PAGE2B: variants seen among roughly 807,000 people sequenced by gnomAD.
The protein encoded by PAGE2B is putative G antigen family E member 3.
Under a neutral mutation model 7.6 loss-of-function variants are expected in PAGE2B, and 5 were observed. That is an observed-to-expected ratio of 0.66 (90% CI 0.34 to 1.38). The LOEUF (loss-of-function observed/expected upper bound fraction) is 1.38. Among genes scored for constraint, PAGE2B ranks in the 40% most tolerant of loss-of-function variants. PAGE2B has a pLI of 0.04. For missense variants in PAGE2B, 70 were observed against 78.4 expected (o/e 0.89, Z 0.41); for synonymous variants, 29 against 26.7 (o/e 1.09, Z -0.27).
At chrX:55,033,277 C>G in the PAGE2B span, among the ~76,000 whole-genome samples, 3 of 111,625 alleles carry the variant, frequency 2.7e-5, no homozygotes, top group Non-Finnish European at 5.7e-5. Context: ...GAGAAAAACT[C>G]GAAGTGCCCT....
the PAGE2B span, among the ~76,000 whole-genome samples, chrX:55,065,061 TC>T: frequency 8.9e-6 from 1 of 112,007 alleles, no homozygotes. Flanking sequence ...ATCTGTTAGG[TC>T]CACTTGGTCC....
At chrX:55,039,231 C>G in the PAGE2B span, among the ~76,000 whole-genome samples, 72 of 111,282 alleles carry the variant, frequency 6.5e-4, no homozygotes, top group Non-Finnish European at 9.8e-4. Flanking sequence ...ATTTTCCCCC[C>G]CTGGCTTCTT....
chrX:55,045,389 C>T, the PAGE2B span, among the ~76,000 whole-genome samples: 1 of 111,684 alleles, frequency 9.0e-6, no homozygotes, highest in African/African-American at 3.3e-5. Flanking sequence ...AGCACTCTGA[C>T]TTGCCTTAAT....
chrX:55,031,661 C>T, the PAGE2B span, among the ~76,000 whole-genome samples: 10 of 111,699 alleles, frequency 9.0e-5, no homozygotes, highest in African/African-American at 3.3e-4. Context: ...AGTACAGAGC[C>T]CGCCTATGAA....
Position 55,077,424 on chromosome X carries a change from G to A in PAGE2B, c.219G>A (p.Gln73=). Residue 73 remains glutamine, a synonymous_variant, in exon 4 of 5, where the codon CAG becomes CAA. Transcript: ENST00000374971. ...VQGPDMEAFQ[Q]ELALLKIEDE... ...GGCCTGACATGGAAGCTTTTCAACA[G>A]GAACTGGCTCTGCTTAAGATAGAGG... is the stretch of plus-strand genomic sequence containing the variant. 1 of 1,211,331 alleles carries A rather than the reference G, an allele frequency of 8.3e-7. No homozygotes were observed. The highest frequency in any genetic ancestry group is 1.1e-6 in the Non-Finnish European group (1 of 895,370).
chrX:55,051,660 C>T, the PAGE2B span, among the ~76,000 whole-genome samples: 1 of 112,203 alleles, frequency 8.9e-6, no homozygotes, highest in Admixed American at 9.4e-5. Context: ...TCAGCTCCAT[C>T]AGGTCTTTTA....
At chrX:55,051,270 T>A in the PAGE2B span, among the ~76,000 whole-genome samples, 1 of 111,280 alleles carries the variant, frequency 9.0e-6, no homozygotes, top group African/African-American at 3.3e-5. Context: ...CTTTGGTGAA[T>A]CTGACAATTA....
At chrX:55,076,382 GTATGTATA>G (rs1334561227) in intron 2 of PAGE2B, among the ~76,000 whole-genome samples, 179 bp from the exon 3 acceptor site, 1 of 101,364 alleles carries the variant, frequency 9.9e-6, no homozygotes, top group African/African-American at 4.2e-5. Context: ...ATGTATGTAT[GTATGTATA>G]TATGTATGTG....
At chrX:55,058,589 G>T in the PAGE2B span, among the ~76,000 whole-genome samples, 1 of 111,352 alleles carries the variant, frequency 9.0e-6, no homozygotes, top group East Asian at 2.8e-4. Context: ...ACTTTTAGTT[G>T]CCATAGCCCT....
the PAGE2B span, among the ~76,000 whole-genome samples, chrX:55,039,024 G>A: frequency 2.7e-5 from 3 of 111,797 alleles, no homozygotes; most frequent in Non-Finnish European, 5.6e-5. Flanking sequence ...ATTGCTCTTT[G>A]AGACAGTACA....
chrX:55,074,589 A>G (rs1224254083), upstream of PAGE2B, among the ~76,000 whole-genome samples: 1 of 112,436 alleles, frequency 8.9e-6, no homozygotes, highest in African/African-American at 3.2e-5. Flanking sequence ...TGAACGTACA[A>G]TAATGCAACC....
chrX:55,067,420 A>G, the PAGE2B span, among the ~76,000 whole-genome samples: 1 of 111,924 alleles, frequency 8.9e-6, no homozygotes, highest in Non-Finnish European at 1.9e-5. Flanking sequence ...TCCATGGTGT[A>G]CATGTGCCAC....
chrX:55,065,196 G>A, the PAGE2B span, among the ~76,000 whole-genome samples: 26 of 111,270 alleles, frequency 2.3e-4, no homozygotes, highest in African/African-American at 6.2e-4. Flanking sequence ...TTTCTTTAGC[G>A]CTAACAATAT....
chrX:55,067,376 C>T, the PAGE2B span, among the ~76,000 whole-genome samples: 3 of 111,525 alleles, frequency 2.7e-5, no homozygotes, highest in African/African-American at 9.8e-5. Context: ...CTGGAAAGGA[C>T]ATGAACTCAT....
chrX:55,063,482 C>G, the PAGE2B span, among the ~76,000 whole-genome samples: 1 of 110,972 alleles, frequency 9.0e-6, no homozygotes, highest in African/African-American at 3.3e-5. Context: ...TTAGGTTTTT[C>G]CAAACATAAA....
upstream of PAGE2B, among the ~76,000 whole-genome samples, chrX:55,070,222 T>A (rs1352984922): frequency 8.9e-6 from 1 of 111,916 alleles, no homozygotes; most frequent in Non-Finnish European, 1.9e-5. Context: ...GTCCCAGTAA[T>A]CTGGTATGTT....
upstream of PAGE2B, among the ~76,000 whole-genome samples, chrX:55,072,630 G>A (rs1936461059): frequency 8.9e-6 from 1 of 112,442 alleles, no homozygotes; most frequent in Admixed American, 9.4e-5. Flanking sequence ...TTCAGAGACG[G>A]CGGGCAGGAA....
At chrX:55,033,179 C>T in the PAGE2B span, among the ~76,000 whole-genome samples, 7 of 111,995 alleles carry the variant, frequency 6.3e-5, no homozygotes, top group Non-Finnish European at 1.1e-4. Context: ...GCATTTCCTC[C>T]GTTCTTTCTA....
At chrX:55,030,921 C>T in the PAGE2B span, 1 of 341,650 alleles carries the variant, frequency 2.9e-6, no homozygotes, top group Non-Finnish European at 5.9e-6. Context: ...GATAGGGTGC[C>T]AGGCTGAAAG....
Sources: allele counts gnomAD v4.1 joint callset (sites outside exome capture counted in the v4.1 genomes callset), GRCh38; gene constraint gnomAD v4.1.1; transcripts MANE v1.5; gene names NCBI Gene and HGNC (gene_info 2026-07-23, HGNC 2026-07-21).